DNAH9: variants seen among roughly 807,000 people sequenced by gnomAD.
DNAH9 encodes the protein DNAH9 variant protein.
DNAH9 carries 345 observed loss-of-function variants against 471.6 expected under a neutral mutation model. The observed-to-expected ratio is 0.73, with a 90% CI of 0.67 to 0.80. The LOEUF (loss-of-function observed/expected upper bound fraction) is 0.80. Ranked by LOEUF, DNAH9 falls within the 30% of genes least tolerant of loss-of-function variation. The pLI is 0.00. For missense variants in DNAH9, 5,407 were observed against 5,609.2 expected (o/e 0.96, Z 1.15); for synonymous variants, 2,093 against 2,123.6 (o/e 0.99, Z 0.40).
chr17:11,952,658 T>C (rs566654351), intron 67 of DNAH9, among the ~76,000 whole-genome samples: 2 of 152,222 alleles, frequency 1.3e-5, no homozygotes, highest in African/African-American at 4.8e-5. Flanking sequence ...TAAAGCACAA[T>C]ACTTCATCCT....
chr17:11,774,333 T>A (rs775275483), intron 38 of DNAH9, among the ~76,000 whole-genome samples: 4 of 145,854 alleles, frequency 2.7e-5, no homozygotes, highest in Admixed American at 6.6e-5. Context: ...ATACTATACC[T>A]TTCTTTGGCA....
intron 61 of DNAH9, among the ~76,000 whole-genome samples, chr17:11,906,871 G>C (rs554593859): frequency 6.6e-6 from 1 of 152,070 alleles, no homozygotes; most frequent in East Asian, 1.9e-4. Flanking sequence ...TATTGAGGGG[G>C]TGGCAGAGGA....
intron 46 of DNAH9, 127 bp from the exon 47 acceptor site, chr17:11,822,311 C>T: frequency 8.2e-7 from 1 of 1,214,448 alleles, no homozygotes; most frequent in Non-Finnish European, 1.2e-6. Context: ...CTAGCATTTA[C>T]AGATATTATC....
chr17:11,897,522 T>C (rs1973258069), intron 59 of DNAH9, among the ~76,000 whole-genome samples: 1 of 152,184 alleles, frequency 6.6e-6, no homozygotes, highest in Admixed American at 6.5e-5. Flanking sequence ...AGCTAGACAA[T>C]AATTTCTTGT....
At chr17:11,876,826 C>T (rs1438720834) in intron 53 of DNAH9, among the ~76,000 whole-genome samples, 1 of 152,222 alleles carries the variant, frequency 6.6e-6, no homozygotes, top group Middle Eastern at 3.4e-3. Flanking sequence ...TTCAAGCAAG[C>T]GATTCTCCTG....
chr17:11,701,673 G>A (rs1481500704), intron 24 of DNAH9, among the ~76,000 whole-genome samples: 1 of 149,830 alleles, frequency 6.7e-6, no homozygotes, highest in Non-Finnish European at 1.5e-5. Context: ...TTGTTGTTTT[G>A]TTTTGTTTTT....
intron 67 of DNAH9, among the ~76,000 whole-genome samples, chr17:11,954,623 T>C (rs901204967): frequency 6.6e-6 from 1 of 151,974 alleles, no homozygotes; most frequent in Non-Finnish European, 1.5e-5. Context: ...AAAGATGTTT[T>C]CAGACAACTG....
intron 59 of DNAH9, among the ~76,000 whole-genome samples, chr17:11,897,805 AT>A (rs887605212): frequency 2.0e-5 from 3 of 152,202 alleles, no homozygotes; most frequent in African/African-American, 7.2e-5. Flanking sequence ...ATGGAAGCTG[AT>A]TGGTTATGGT....
chr17:11,886,700 C>T (rs1427648533), intron 56 of DNAH9, 125 bp from the exon 57 acceptor site: 1 of 1,212,854 alleles, frequency 8.2e-7, no homozygotes, highest in Non-Finnish European at 1.1e-6. Context: ...TTCTACCCAT[C>T]ATCCCCATCC....
chr17:11,896,964 C>T (rs928551393), intron 59 of DNAH9, among the ~76,000 whole-genome samples: 1 of 152,142 alleles, frequency 6.6e-6, no homozygotes, highest in South Asian at 2.1e-4. Flanking sequence ...GTGGCACACA[C>T]CTGTAATCCC....
chr17:11,784,927 A>G (rs1158514745), intron 41 of DNAH9, among the ~76,000 whole-genome samples: 1 of 152,072 alleles, frequency 6.6e-6, no homozygotes, highest in Non-Finnish European at 1.5e-5. Flanking sequence ...TCTCGGGATG[A>G]AAAAGAGTGT....
intron 53 of DNAH9, among the ~76,000 whole-genome samples, chr17:11,877,750 G>A (rs1413051626): frequency 2.0e-5 from 3 of 152,144 alleles, no homozygotes; most frequent in Non-Finnish European, 4.4e-5. Context: ...TTGTTGAGAA[G>A]TGAATGCCAA....
intron 49 of DNAH9, among the ~76,000 whole-genome samples, 170 bp downstream of exon 49, chr17:11,835,068 C>T (rs145885986): frequency 1.1e-4 from 17 of 152,302 alleles, no homozygotes; most frequent in African/African-American, 3.4e-4. Flanking sequence ...ACTATCTTTT[C>T]GGTTCCATGA....
chr17:11,676,750 CT>C (rs1320340821), intron 17 of DNAH9, among the ~76,000 whole-genome samples: 3 of 151,930 alleles, frequency 2.0e-5, no homozygotes, highest in Admixed American at 1.3e-4. Context: ...TGTTCTTTGG[CT>C]AACGTTTGCT....
intron 31 of DNAH9, among the ~76,000 whole-genome samples, chr17:11,747,164 A>G (rs1040678063): frequency 5.3e-5 from 8 of 152,166 alleles, no homozygotes; most frequent in East Asian, 1.9e-4. Flanking sequence ...TACAAAATCA[A>G]TTGTTCCCTC....
At chr17:11,890,996 A>AT (rs1453595078) in intron 57 of DNAH9, among the ~76,000 whole-genome samples, 1 of 152,026 alleles carries the variant, frequency 6.6e-6, no homozygotes, top group Admixed American at 6.6e-5. Context: ...CTTGGTTTTT[A>AT]TTTTCTTTAA....
intron 61 of DNAH9, among the ~76,000 whole-genome samples, chr17:11,922,518 G>A (rs1223049056): frequency 6.6e-6 from 1 of 151,944 alleles, no homozygotes; most frequent in Non-Finnish European, 1.5e-5. Flanking sequence ...GTTTCCCTTG[G>A]GCGTGGAGAG....
intron 35 of DNAH9, among the ~76,000 whole-genome samples, chr17:11,759,855 AT>A (rs199684149): frequency 0.03 from 4,565 of 151,858 alleles, 100 homozygotes; most frequent in Non-Finnish European, 0.047. Context: ...CCCAGCTAAT[AT>A]TTTGTATTTT....
intron 67 of DNAH9, among the ~76,000 whole-genome samples, chr17:11,946,347 A>G (rs944571345): frequency 2.3e-4 from 35 of 151,892 alleles, no homozygotes; most frequent in Non-Finnish European, 3.1e-4. Context: ...AAAGCCTGAC[A>G]CCATCACACG....
Sources: gnomAD v4.1 joint callset for allele counts (sites outside exome capture counted in the v4.1 genomes callset) on GRCh38, gnomAD v4.1.1 for gene constraint, MANE v1.5 for transcripts, NCBI Gene and HGNC (gene_info 2026-07-23, HGNC 2026-07-21) for gene names.